MAD1L1: variants seen among roughly 807,000 people sequenced by gnomAD.
The protein encoded by MAD1L1 is mitotic spindle assembly checkpoint protein MAD1.
A neutral mutation model predicts 96.9 loss-of-function variants in MAD1L1; 95 were observed. The observed-to-expected ratio is 0.98, with a 90% confidence interval of 0.83 to 1.16. MAD1L1 has a LOEUF of 1.16. Ranked by LOEUF, MAD1L1 falls within the 50% of genes most tolerant of loss-of-function variation. The pLI, the probability that MAD1L1 is intolerant of heterozygous loss-of-function variation, is 0.00. For synonymous variants in MAD1L1, 473 were observed against 396.6 expected (o/e 1.19, Z -2.29); for missense variants, 1,007 against 954.4 (o/e 1.06, Z -0.73).
chr7:2,054,080 CT>C, intron 12 of MAD1L1, among the ~76,000 whole-genome samples: 1 of 152,230 alleles, frequency 6.6e-6, no homozygotes, highest in Non-Finnish European at 1.5e-5. Flanking sequence ...ACGAGCACTG[CT>C]GCTCCCAGCC....
chr7:1,818,528 G>C (rs1411542531), intron 18 of MAD1L1, among the ~76,000 whole-genome samples: 1 of 152,006 alleles, frequency 6.6e-6, no homozygotes, highest in Non-Finnish European at 1.5e-5. Flanking sequence ...ACAGGCATGT[G>C]CCAGCACACC....
At chr7:2,190,772 G>A (rs944405641) in intron 10 of MAD1L1, among the ~76,000 whole-genome samples, 2 of 152,212 alleles carry the variant, frequency 1.3e-5, no homozygotes, top group African/African-American at 4.8e-5. Context: ...CACCCACCAG[G>A]ATGGCTAAAG....
intron 18 of MAD1L1, among the ~76,000 whole-genome samples, chr7:1,816,730 G>A (rs1781826900): frequency 6.6e-6 from 1 of 152,046 alleles, no homozygotes; most frequent in African/African-American, 2.4e-5. Flanking sequence ...TCCTGTAACT[G>A]GAGAACGGGC....
chr7:2,209,959 C>T (rs557047799), intron 10 of MAD1L1: 2 of 152,424 alleles, frequency 1.3e-5, no homozygotes, highest in Admixed American at 1.3e-4. Context: ...CATCTGTGTC[C>T]CTGTCGCCGA....
intron 12 of MAD1L1, among the ~76,000 whole-genome samples, chr7:2,038,488 A>G (rs1783536621): frequency 7.1e-6 from 1 of 140,840 alleles, no homozygotes; most frequent in Admixed American, 7.3e-5. Flanking sequence ...GGAGATAATG[A>G]AGCTGATGAC....
chr7:1,860,655 G>A (rs1784500890), intron 18 of MAD1L1, among the ~76,000 whole-genome samples: 1 of 152,208 alleles, frequency 6.6e-6, no homozygotes. Flanking sequence ...ACCGAGGGCA[G>A]GGGCTACTGG....
At chr7:1,886,207 G>A (rs763582714) in intron 18 of MAD1L1, among the ~76,000 whole-genome samples, 3 of 152,250 alleles carry the variant, frequency 2.0e-5, no homozygotes, top group Non-Finnish European at 2.9e-5. Flanking sequence ...CACTGTCTAA[G>A]GGGCTTGTCC....
intron 18 of MAD1L1, chr7:1,838,544 G>A (rs1176634204): frequency 5.8e-6 from 2 of 345,118 alleles, no homozygotes; most frequent in Admixed American, 3.8e-5. Context: ...AGCGAACCGT[G>A]AAAACCTTAC....
intron 11 of MAD1L1, among the ~76,000 whole-genome samples, chr7:2,147,238 A>G (rs115842873): frequency 0.02 from 2,996 of 152,282 alleles, 95 homozygotes; most frequent in African/African-American, 0.068. Context: ...AGCAAGGAGC[A>G]GACCAGCCGC....
At chr7:2,204,273 T>C (rs1425413928) in intron 10 of MAD1L1, among the ~76,000 whole-genome samples, 1 of 152,104 alleles carries the variant, frequency 6.6e-6, no homozygotes, top group Non-Finnish European at 1.5e-5. Flanking sequence ...CACTAAGGAA[T>C]TTTCCTTCCC....
In MAD1L1 at chr7:1,827,629, C is replaced by T. The variant is rs7776506; in HGVS notation, c.1999-11401G>A. Among the ~76,000 whole-genome samples the T allele has an allele frequency of 4.7e-4, 22 of 46,926 alleles. 3 individuals are homozygous for T. The highest frequency in any genetic ancestry group is 1.8e-3 in the African/African-American group (17 of 9,226). 30.8% of individuals were successfully genotyped at this position (46,926 alleles called of 152,430 possible). On this transcript the variant is annotated intron_variant, in intron 18 of 18. Coordinates refer to ENST00000265854, the MANE Select transcript of MAD1L1 (RefSeq NM_001013836.2). ...TGTGGGGTCCTCCCCTCCTGAGCCC[C>T]GCCCGGGTGTGGGGGCCTCCCCTCC...
chr7:2,042,060 G>A (rs1428700366), intron 12 of MAD1L1, among the ~76,000 whole-genome samples: 2 of 149,790 alleles, frequency 1.3e-5, no homozygotes, highest in Non-Finnish European at 3.0e-5. Flanking sequence ...CAGACACACA[G>A]ATGCACGTAC....
intron 10 of MAD1L1, among the ~76,000 whole-genome samples, chr7:2,162,865 G>C (rs1014640970): frequency 2.0e-5 from 3 of 149,520 alleles, no homozygotes; most frequent in Non-Finnish European, 4.5e-5. Context: ...ATTAATTGGA[G>C]TTTCATCTTT....
chr7:2,182,000 A>G (rs1791223853), intron 10 of MAD1L1, among the ~76,000 whole-genome samples: 1 of 152,196 alleles, frequency 6.6e-6, no homozygotes, highest in Non-Finnish European at 1.5e-5. Context: ...AAGGTGTAAG[A>G]GGGATATAAT....
At chr7:1,838,631 T>C (rs1420615756) in intron 18 of MAD1L1, 1 of 402,198 alleles carries the variant, frequency 2.5e-6, no homozygotes, top group African/African-American at 2.1e-5. Context: ...GGTAGCGGAG[T>C]CTAGAGACAA....
At chr7:1,878,703 C>T (rs746088425) in intron 18 of MAD1L1, among the ~76,000 whole-genome samples, 24 of 149,726 alleles carry the variant, frequency 1.6e-4, no homozygotes, top group Admixed American at 4.1e-4. Context: ...GATGCTTTCT[C>T]GCTAGCATCA....
Position 1,968,683 on chromosome 7 carries a change from G to A in MAD1L1, c.1506-10964C>T, listed in dbSNP as rs186677682. Among the ~76,000 whole-genome samples the A allele has an allele frequency of 1.9e-3, 289 of 152,348 alleles. 2 individuals carry two copies. Among genetic ancestry groups the A allele is most frequent in the Non-Finnish European group, 5.7e-4 (39 of 68,028 alleles). On this transcript the variant is annotated intron_variant, in intron 15 of 18. Coordinates refer to ENST00000265854, the MANE Select transcript of MAD1L1 (RefSeq NM_001013836.2). This position sits in a 1 kb window ranked among gnomAD's most constrained non-coding sequence, Gnocchi z 5.6. ...GATGTCAGGGGCTCCCTGATGGGAC[G>A]TGGTGAGAAAGGACTTGTCGTCTGT...
At chr7:2,031,303 C>T (rs1055554921) in intron 12 of MAD1L1, among the ~76,000 whole-genome samples, 17 of 152,222 alleles carry the variant, frequency 1.1e-4, no homozygotes, top group African/African-American at 4.1e-4. Flanking sequence ...GGCTTCCTGC[C>T]GTCACACCCT....
At chr7:2,173,427 T>C (rs145099901) in intron 10 of MAD1L1, among the ~76,000 whole-genome samples, 1 of 152,320 alleles carries the variant, frequency 6.6e-6, no homozygotes, top group African/African-American at 2.4e-5. Flanking sequence ...AAGGAAACCA[T>C]GGTGACTTCC....
Sources: allele counts gnomAD v4.1 joint callset (sites outside exome capture counted in the v4.1 genomes callset), GRCh38; gene constraint gnomAD v4.1.1; non-coding constraint Gnocchi (gnomAD v3.1); transcripts MANE v1.5; gene names NCBI Gene and HGNC (gene_info 2026-07-23, HGNC 2026-07-21).